WNK3: variants seen among roughly 807,000 people sequenced by gnomAD.
WNK3 encodes WNK lysine deficient protein kinase 3.
In WNK3, 18 loss-of-function variants were observed where a neutral mutation model predicts 116.7. That is an observed-to-expected ratio of 0.15 (90% CI 0.11 to 0.23). WNK3 has a LOEUF of 0.23. Among genes scored for constraint, WNK3 ranks in the 10% least tolerant of loss-of-function variants. The pLI is 1.00. For synonymous variants in WNK3, 404 were observed against 469.4 expected (o/e 0.86, Z 1.80); for missense variants, 993 against 1,323.8 (o/e 0.75, Z 3.88).
At chrX:54,253,901 T>C in intron 13 of WNK3, 58 bp downstream of exon 13, 1 of 810,929 alleles carries the variant, frequency 1.2e-6, no homozygotes, top group Non-Finnish European at 1.8e-6. Flanking sequence ...GAGACAGAAT[T>C]ATAGGGGAAA....
At chrX:54,211,948 C>T (rs782119806) in intron 22 of WNK3, among the ~76,000 whole-genome samples, 1 of 109,946 alleles carries the variant, frequency 9.1e-6, no homozygotes, top group South Asian at 3.9e-4. Flanking sequence ...AATATAGGGC[C>T]GGGTGCTGTG....
chrX:54,227,664 A>G (rs2067857625), intron 22 of WNK3, among the ~76,000 whole-genome samples: 1 of 112,515 alleles, frequency 8.9e-6, no homozygotes, highest in Admixed American at 9.5e-5. Context: ...TAGCAAAAAA[A>G]AGAGAAAACA....
In WNK3 at chrX:54,248,879, C is replaced by T. The variant is rs1304128290; in HGVS notation, c.3469G>A (p.Val1157Met). 5.8e-6 allele frequency: 7 copies of T among 1,209,879 alleles called. No homozygotes were observed. The Admixed American group carries it at 1.3e-4, about 23-fold the overall frequency. The change falls in exon 17 of 24, where the codon GTG becomes ATG. Residue 1157 changes from valine to methionine, a missense_variant. Around this residue, in one of 4 missense-constraint regions of WNK3, gnomAD observed 836 missense variants for 976.5 expected, o/e 0.86. Coordinates refer to ENST00000354646, the Ensembl canonical transcript of WNK3. ...TGACTGATGGCTATGACTTCTGTCA[C>T]TGGACAGGAGAGGGTATCTTCAGCA...
Position 54,239,108 on chromosome X carries a change from GACAAAACAAAACAAAACAAA to G in WNK3, c.3652-29_3652-10del, listed in dbSNP as rs56183922. On this transcript the variant is annotated splice_polypyrimidine_tract_variant and intron_variant, in intron 17 of 23. Coordinates refer to ENST00000354646, the Ensembl canonical transcript of WNK3. ...GCATCTGAGGACATCTCCTAATGGA[GACAAAACAAAACAAAACAAA>G]ACAAAACAAAACAAAACAAAACAAA... 15 of 862,673 alleles carry G rather than the reference GACAAAACAAAACAAAACAAA, an allele frequency of 1.7e-5. No individual in the cohort carries two copies. The highest frequency in any genetic ancestry group is 1.5e-4 in the African/African-American group (6 of 41,030). The allele number at this position is 862,673 out of a possible 1,213,427, so 71.1% of individuals were successfully genotyped here.
exon 16 of WNK3, chrX:54,250,048 G>A: frequency 8.3e-7 from 1 of 1,204,594 alleles, no homozygotes; most frequent in Non-Finnish European, 1.1e-6. Context: ...AGAGAAGGAG[G>A]AGACTGAGTC....
At chrX:54,213,117 A>C (rs781942898) in intron 22 of WNK3, among the ~76,000 whole-genome samples, 76 of 110,260 alleles carry the variant, frequency 6.9e-4, no homozygotes, top group Admixed American at 1.4e-3. Context: ...CGTAGCTGGG[A>C]CTACAGGTGT....
intron 2 of WNK3, among the ~76,000 whole-genome samples, chrX:54,329,401 G>A (rs1557173906): frequency 8.9e-6 from 1 of 111,823 alleles, no homozygotes; most frequent in East Asian, 2.8e-4. Context: ...CACTTTGGGA[G>A]GCCAAGGCGG....
rs191696428 is a variant in WNK3 at position 54,340,027 on chromosome X, G to A, written c.-119-6235C>T. 2.0e-4 allele frequency among the ~76,000 whole-genome samples: 22 copies of A among 110,084 alleles called. No individual in the cohort carries two copies. In the East Asian group the frequency reaches 2.9e-3, roughly 14 times the overall value. On this transcript the variant is annotated intron_variant, in intron 1 of 23. Coordinates refer to ENST00000354646, the Ensembl canonical transcript of WNK3. Reference sequence around the variant, plus strand: ...TAGCCAGGCATGGTGGCATGTGCCCGTAATCCCAGCTACTCAGGAGGCTGA... The same window carrying A: ...TAGCCAGGCATGGTGGCATGTGCCCATAATCCCAGCTACTCAGGAGGCTGA...
intron 2 of WNK3, among the ~76,000 whole-genome samples, chrX:54,324,811 G>A (rs997391939): frequency 2.7e-5 from 3 of 112,511 alleles, no homozygotes; most frequent in Non-Finnish European, 5.6e-5. Context: ...ATGTCCCAGT[G>A]CGAATACTGT....
chrX:54,275,353 C>G (rs1369992313), intron 10 of WNK3, among the ~76,000 whole-genome samples: 1 of 106,298 alleles, frequency 9.4e-6, no homozygotes, highest in East Asian at 3.0e-4. Context: ...CTAAATGGAA[C>G]TCAGATTTCA....
chrX:54,252,139 A>C (rs1320423157), intron 13 of WNK3, among the ~76,000 whole-genome samples: 1 of 110,420 alleles, frequency 9.1e-6, no homozygotes, highest in Non-Finnish European at 1.9e-5. Flanking sequence ...TCTAAATCCA[A>C]GTGTCACAAT....
At position 54,213,553 on chromosome X, in the gene WNK3, C is replaced by CAAAAAAAAAAA. The variant is rs782580375; in HGVS notation, c.4871-11371_4871-11361dup. 2.0e-3 allele frequency among the ~76,000 whole-genome samples: 28 copies of CAAAAAAAAAAA among 14,265 alleles called. 2 individuals carry two copies. Among genetic ancestry groups the CAAAAAAAAAAA allele is most frequent in the African/African-American group, 0.01 (18 of 1,771 alleles). The allele number at this position is 14,265 out of a possible 115,157, so 12.4% of individuals were successfully genotyped here. On this transcript the variant is annotated intron_variant, in intron 22 of 23. Transcript: ENST00000354646. ...AGGGCGACAGAGTGAGACTCCGTCT[C>CAAAAAAAAAAA]AAAAAAAAAAACAAACAAAAAAAAA... is the stretch of plus-strand genomic sequence containing the variant.
At chrX:54,352,071 T>G (rs781956992) in intron 1 of WNK3, among the ~76,000 whole-genome samples, 2 of 111,095 alleles carry the variant, frequency 1.8e-5, no homozygotes, top group East Asian at 2.8e-4. Context: ...ACAACCAAAT[T>G]TTTTAATGAG....
chrX:54,312,792 T>A (rs2068903798), intron 2 of WNK3, among the ~76,000 whole-genome samples: 1 of 111,410 alleles, frequency 9.0e-6, no homozygotes, highest in African/African-American at 3.3e-5. Flanking sequence ...ATCAGGTACA[T>A]TAATCGTTTT....
At chrX:54,201,318 C>T (rs1557141575) in intron 23 of WNK3, among the ~76,000 whole-genome samples, 1 of 111,904 alleles carries the variant, frequency 8.9e-6, no homozygotes, top group African/African-American at 3.2e-5. Flanking sequence ...CTTCCTACTC[C>T]AGAATGCATT....
intron 2 of WNK3, among the ~76,000 whole-genome samples, chrX:54,325,963 GC>G (rs2069098156): frequency 9.0e-6 from 1 of 110,784 alleles, no homozygotes; most frequent in Non-Finnish European, 1.9e-5. Context: ...CTTCTAAATA[GC>G]ACTTACGACT....
At chrX:54,193,077 T>C (rs782464757) in exon 24 of WNK3, 1 of 111,165 alleles carries the variant, frequency 9.0e-6, no homozygotes, top group Non-Finnish European at 1.9e-5. Context: ...TTCTATATAA[T>C]GCTACATTCC....
chrX:54,281,117 AAATT>A (rs1557162299), intron 10 of WNK3, among the ~76,000 whole-genome samples: 1 of 111,464 alleles, frequency 9.0e-6, no homozygotes, highest in African/African-American at 3.3e-5. Context: ...TACCACAATA[AAATT>A]AATTAACATA....
chrX:54,329,954 C>T (rs1439060095), intron 2 of WNK3, among the ~76,000 whole-genome samples: 5 of 111,786 alleles, frequency 4.5e-5, no homozygotes, highest in African/African-American at 1.6e-4. Flanking sequence ...AGAGGAAAAA[C>T]CTTGGCAGGC....
Sources: allele counts gnomAD v4.1 joint callset (sites outside exome capture counted in the v4.1 genomes callset), GRCh38; gene constraint gnomAD v4.1.1; regional missense constraint gnomAD v4.1.1; transcripts MANE v1.5; gene names NCBI Gene and HGNC (gene_info 2026-07-23, HGNC 2026-07-21).